Variants in MB21D2 observed in about 807,000 individuals in gnomAD.
MB21D2 encodes nucleotidyltransferase MB21D2.
Under a neutral mutation model 33.3 loss-of-function variants are expected in MB21D2, and 9 were observed. The ratio of observed to expected loss-of-function variants is 0.27; its 90% confidence interval spans 0.16 to 0.47. The LOEUF is 0.47. MB21D2 is among the 20% of genes least tolerant of loss of function. The pLI is 0.99. For synonymous variants in MB21D2, 241 were observed against 236.3 expected, an observed-to-expected ratio of 1.02 and a Z score of -0.18; for missense variants, 540 against 624.6, an observed-to-expected ratio of 0.86 and a Z score of 1.44.
At chr3:192,865,469 C>A (rs185880330) in intron 1 of MB21D2, among the ~76,000 whole-genome samples, 39 of 152,286 alleles carry the variant, frequency 2.6e-4, no homozygotes, top group African/African-American at 9.1e-4. Context: ...AAAGTACATG[C>A]ATTAACATTC....
intron 1 of MB21D2, among the ~76,000 whole-genome samples, chr3:192,838,236 C>A (rs1712482854): frequency 6.6e-6 from 1 of 152,154 alleles, no homozygotes; most frequent in South Asian, 2.1e-4. Context: ...CTCATGATAG[C>A]AGCTAATTTC....
chr3:192,915,630 C>G (rs540732567), intron 1 of MB21D2, among the ~76,000 whole-genome samples: 1 of 152,280 alleles, frequency 6.6e-6, no homozygotes, highest in South Asian at 2.1e-4. Flanking sequence ...GGAATAGAAG[C>G]AAATCTAGTT....
intron 1 of MB21D2, among the ~76,000 whole-genome samples, chr3:192,864,346 G>A (rs1244971985): frequency 6.6e-6 from 1 of 152,174 alleles, no homozygotes; most frequent in Non-Finnish European, 1.5e-5. Context: ...AACCCCGCAG[G>A]TGCTCAGACA....
At chr3:192,877,817 T>C (rs909977784) in intron 1 of MB21D2, among the ~76,000 whole-genome samples, 1 of 152,166 alleles carries the variant, frequency 6.6e-6, no homozygotes, top group Non-Finnish European at 1.5e-5. Context: ...GACTGATATA[T>C]GTGCTCTGCG....
chr3:192,909,927 A>G (rs1028503692), intron 1 of MB21D2, among the ~76,000 whole-genome samples: 2 of 127,670 alleles, frequency 1.6e-5, no homozygotes, highest in African/African-American at 6.4e-5. Context: ...ACAGAGCAAG[A>G]CTCTGTCTCA....
chr3:192,832,794 A>G (rs771010149), intron 1 of MB21D2, among the ~76,000 whole-genome samples: 1 of 152,202 alleles, frequency 6.6e-6, no homozygotes, highest in Non-Finnish European at 1.5e-5. Context: ...TCTGCCTGGA[A>G]AAGAAAAAGG....
At chr3:192,888,852 G>A (rs952302910) in intron 1 of MB21D2, among the ~76,000 whole-genome samples, 1 of 152,012 alleles carries the variant, frequency 6.6e-6, no homozygotes, top group Non-Finnish European at 1.5e-5. Flanking sequence ...TAAAGGAGAA[G>A]GTGCTACCCT....
intron 1 of MB21D2, among the ~76,000 whole-genome samples, chr3:192,902,309 C>T (rs907108494): frequency 2.6e-5 from 4 of 152,140 alleles, no homozygotes; most frequent in African/African-American, 9.7e-5. Context: ...TAGAGCCCGG[C>T]GTAGTCAGTT....
chr3:192,818,414 A>G (rs1711973270), intron 1 of MB21D2, among the ~76,000 whole-genome samples: 1 of 150,502 alleles, frequency 6.6e-6, no homozygotes. Context: ...GAATGCTAAT[A>G]TTTTGTACAA....
chr3:192,893,801 C>A (rs1348240035), intron 1 of MB21D2, among the ~76,000 whole-genome samples: 3 of 152,080 alleles, frequency 2.0e-5, no homozygotes, highest in Non-Finnish European at 4.4e-5. Flanking sequence ...TTGGGAGGCC[C>A]ACGGTGGGAG....
At chr3:192,862,664 G>A (rs1713073777) in intron 1 of MB21D2, among the ~76,000 whole-genome samples, 1 of 152,156 alleles carries the variant, frequency 6.6e-6, no homozygotes, top group African/African-American at 2.4e-5. Flanking sequence ...TGCTCACACT[G>A]AATTAAGGTG....
chr3:192,805,351 CT>C (rs1160165019), intron 1 of MB21D2, among the ~76,000 whole-genome samples: 2 of 152,178 alleles, frequency 1.3e-5, no homozygotes, highest in African/African-American at 4.8e-5. Flanking sequence ...AAAAACGGAG[CT>C]TTCCAGTTTT....
chr3:192,888,996 T>C (rs1387340755), intron 1 of MB21D2, among the ~76,000 whole-genome samples: 2 of 151,960 alleles, frequency 1.3e-5, no homozygotes, highest in African/African-American at 2.4e-5. Context: ...ATCATGCCCC[T>C]TATGGTTCAC....
chr3:192,856,838 C>G (rs557974218), intron 1 of MB21D2, among the ~76,000 whole-genome samples: 1 of 152,162 alleles, frequency 6.6e-6, no homozygotes, highest in Non-Finnish European at 1.5e-5. Context: ...CAGGTGTGAG[C>G]CACTGTGCCT....
intron 1 of MB21D2, among the ~76,000 whole-genome samples, chr3:192,903,157 T>C (rs1448878245): frequency 1.3e-5 from 2 of 152,228 alleles, no homozygotes; most frequent in African/African-American, 4.8e-5. Context: ...TGACTTCCCC[T>C]GTCTTCAAAG....
intron 1 of MB21D2, among the ~76,000 whole-genome samples, chr3:192,911,203 G>A (rs1276582890): frequency 6.6e-6 from 1 of 151,870 alleles, no homozygotes; most frequent in Admixed American, 6.6e-5. Context: ...AAACTTGGAT[G>A]AATTCCTATA....
intron 1 of MB21D2, among the ~76,000 whole-genome samples, chr3:192,860,271 T>C (rs1010821544): frequency 2.6e-5 from 4 of 152,260 alleles, no homozygotes; most frequent in Admixed American, 2.6e-4. Context: ...GCAGTGATTT[T>C]CTACATCCAG....
chr3:192,867,107 A>C (rs1320618163), intron 1 of MB21D2, among the ~76,000 whole-genome samples: 4 of 152,174 alleles, frequency 2.6e-5, no homozygotes, highest in Non-Finnish European at 5.9e-5. Context: ...CTGACTTTCC[A>C]ACAGGCATGC....
At position 192,828,591 on chromosome 3, in the gene MB21D2, CATATATATATATATATATATATA is replaced by C. The variant is rs1365228987; in HGVS notation, c.212-28964_212-28942del. Among the ~76,000 whole-genome samples, 188 of 54,140 alleles carry C rather than the reference CATATATATATATATATATATATA, an allele frequency of 3.5e-3. 13 individuals carry two copies. The highest frequency in any genetic ancestry group is 7.9e-3 in the South Asian group (10 of 1,258). 35.5% of individuals were successfully genotyped at this position (54,140 alleles called of 152,430 possible). A position where few individuals can be genotyped will look rare whatever the true frequency, so the allele number is the denominator to read the frequency against. ...TATATACAATAAAACTCACCCCCCC[CATATATATATATATATATATATA>C]TATATATATATATATATATATATAT... On this transcript the variant is annotated intron_variant, in intron 1 of 1. Coordinates refer to ENST00000392452, the MANE Select transcript of MB21D2 (RefSeq NM_178496.4).
Sources: gnomAD v4.1 joint callset for allele counts (sites outside exome capture counted in the v4.1 genomes callset) on GRCh38, gnomAD v4.1.1 for gene constraint, MANE v1.5 for transcripts, NCBI Gene and HGNC (gene_info 2026-07-23, HGNC 2026-07-21) for gene names.